ASH1L: variants seen among roughly 807,000 people sequenced by gnomAD.
The protein encoded by ASH1L is ASH1 like histone lysine methyltransferase.
In ASH1L, 23 loss-of-function variants were observed where a neutral mutation model predicts 269.0. The observed-to-expected ratio is 0.09, with a 90% confidence interval of 0.06 to 0.12. The LOEUF (loss-of-function observed/expected upper bound fraction) is 0.12. ASH1L is among the 10% of genes least tolerant of loss of function. The probability of loss-of-function intolerance (pLI) is 1.00; values close to 1 mark genes in which losing one functional copy is unlikely to be tolerated. For synonymous variants in ASH1L, 1,187 were observed against 1,253.5 expected (o/e 0.95, Z 1.12); for missense variants, 2,912 against 3,567.8 (o/e 0.82, Z 4.68).
chr1:155,354,841 A>G (rs766762254), intron 15 of ASH1L, among the ~76,000 whole-genome samples: 6 of 152,214 alleles, frequency 3.9e-5, no homozygotes, highest in African/African-American at 1.2e-4. Context: ...GCAAACAACA[A>G]TTAAAGGCTG....
intron 20 of ASH1L, among the ~76,000 whole-genome samples, chr1:155,346,858 G>A (rs74338124): frequency 1.2e-3 from 187 of 152,234 alleles, no homozygotes; most frequent in Non-Finnish European, 2.2e-3. Flanking sequence ...AATCCTGTGC[G>A]TTACTTACAG....
At chr1:155,369,616 G>C (rs1188156783) in intron 12 of ASH1L, among the ~76,000 whole-genome samples, 1 of 152,024 alleles carries the variant, frequency 6.6e-6, no homozygotes, top group East Asian at 1.9e-4. Flanking sequence ...CTATTTGAGG[G>C]GAAGGGACCT....
chr1:155,368,899 T>A (rs933331383), intron 12 of ASH1L, among the ~76,000 whole-genome samples: 1 of 152,178 alleles, frequency 6.6e-6, no homozygotes, highest in Admixed American at 6.6e-5. Flanking sequence ...GCATTCAACA[T>A]GGATGAACTG....
At chr1:155,429,190 T>C (rs992414503) in intron 5 of ASH1L, among the ~76,000 whole-genome samples, 3 of 152,216 alleles carry the variant, frequency 2.0e-5, no homozygotes, top group Admixed American at 6.5e-5. Flanking sequence ...GCAACATGCA[T>C]TAACATACAT....
intron 1 of ASH1L, among the ~76,000 whole-genome samples, chr1:155,543,692 G>C (rs1424874255): frequency 4.6e-5 from 7 of 151,940 alleles, no homozygotes; most frequent in Non-Finnish European, 1.0e-4. Context: ...AGCACTCTGG[G>C]AGGCTGAGGT....
chr1:155,562,836 TCC>T, upstream of ASH1L: 1 of 401,124 alleles, frequency 2.5e-6, no homozygotes, highest in South Asian at 1.6e-5. Flanking sequence ...TCTTCTCTCC[TCC>T]CCCCCCTTCC....
At chr1:155,360,740 G>T (rs1458180439) in intron 12 of ASH1L, among the ~76,000 whole-genome samples, 1 of 152,164 alleles carries the variant, frequency 6.6e-6, no homozygotes, top group Non-Finnish European at 1.5e-5. Context: ...ACCACGCCTG[G>T]CCTCCACTTT....
intron 1 of ASH1L, among the ~76,000 whole-genome samples, chr1:155,549,710 G>A (rs1473588479): frequency 6.6e-6 from 1 of 151,936 alleles, no homozygotes; most frequent in African/African-American, 2.4e-5. Flanking sequence ...ATAAGGGACT[G>A]GCACATCCAC....
At chr1:155,455,651 C>G (rs987003712) in intron 4 of ASH1L, among the ~76,000 whole-genome samples, 1 of 152,108 alleles carries the variant, frequency 6.6e-6, no homozygotes, top group African/African-American at 2.4e-5. Context: ...TATGAGAAAG[C>G]TAGGTCAACC....
chr1:155,545,289 C>T (rs550740328), intron 1 of ASH1L, among the ~76,000 whole-genome samples: 4 of 148,788 alleles, frequency 2.7e-5, no homozygotes, highest in Non-Finnish European at 5.9e-5. Flanking sequence ...CACTAGTGGC[C>T]ACCATCATTT....
intron 4 of ASH1L, among the ~76,000 whole-genome samples, chr1:155,452,330 C>T (rs1405244708): frequency 2.6e-5 from 4 of 152,094 alleles, no homozygotes; most frequent in African/African-American, 7.2e-5. Context: ...TGACCGACTG[C>T]GTCCTGCCGG....
chr1:155,425,656 G>A (rs1661090773), intron 5 of ASH1L, among the ~76,000 whole-genome samples: 1 of 151,720 alleles, frequency 6.6e-6, no homozygotes, highest in African/African-American at 2.4e-5. Context: ...GGCTGGTCTT[G>A]AACTCCTGAC....
chr1:155,446,625 TC>T (rs369866997), intron 4 of ASH1L, among the ~76,000 whole-genome samples: 5 of 149,796 alleles, frequency 3.3e-5, no homozygotes, highest in Admixed American at 2.0e-4. Flanking sequence ...TTTTTTTTTT[TC>T]TTTTTTTTTT....
At chr1:155,426,920 G>A (rs1002959623) in intron 5 of ASH1L, among the ~76,000 whole-genome samples, 3 of 152,056 alleles carry the variant, frequency 2.0e-5, no homozygotes, top group Non-Finnish European at 4.4e-5. Flanking sequence ...ATTTCCTTCT[G>A]ATCCCCAGGG....
intron 2 of ASH1L, among the ~76,000 whole-genome samples, chr1:155,492,232 G>C (rs548144304): frequency 1.4e-3 from 206 of 151,534 alleles, no homozygotes; most frequent in African/African-American, 4.9e-3. Flanking sequence ...ATTTTTGGTA[G>C]AGACAGGGTT....
chr1:155,346,519 G>A, intron 20 of ASH1L, 50 bp from the exon 21 acceptor site: 1 of 1,517,164 alleles, frequency 6.6e-7, no homozygotes, highest in Non-Finnish European at 9.1e-7. Context: ...GACTTATTGA[G>A]AGTGTCCTGG....
intron 3 of ASH1L, among the ~76,000 whole-genome samples, chr1:155,467,556 TG>T (rs1664783937): frequency 6.6e-6 from 1 of 152,210 alleles, no homozygotes; most frequent in South Asian, 2.1e-4. Flanking sequence ...TGAATATACT[TG>T]TTTACTTTAA....
chr1:155,433,898 C>T (rs1456593471), intron 5 of ASH1L: 1 of 1,598,484 alleles, frequency 6.3e-7, no homozygotes, highest in South Asian at 1.1e-5. Flanking sequence ...TATCGAGAAC[C>T]GAGTGAGAGG....
rs774794397 is a variant in ASH1L, at chr1:155,438,772, T to C, written c.5383A>G (p.Ile1795Val). The C allele has an allele frequency of 7.3e-5, 118 of 1,614,080 alleles. No homozygotes were observed. Among genetic ancestry groups the C allele is most frequent in the Non-Finnish European group, 9.7e-5 (115 of 1,180,052 alleles). Residue 1795 changes from isoleucine (I) to valine (V), a missense_variant, in exon 5 of 28, where the codon ATC becomes GTC. Ile to Val is a conservative substitution (Grantham distance 29). Transcript: ENST00000392403. ...KLTSSCSPHHIKRSVVEAMQR... is the reference protein window; with the variant it reads ...KLTSSCSPHHVKRSVVEAMQR... ...ATAGCTTCCACTACACTTCTCTTGATATGATGGGGGGAACAGCTGCTTGTC... is the reference window on the plus strand; with the variant it reads ...ATAGCTTCCACTACACTTCTCTTGACATGATGGGGGGAACAGCTGCTTGTC...
Sources: allele counts gnomAD v4.1 joint callset (sites outside exome capture counted in the v4.1 genomes callset), GRCh38; gene constraint gnomAD v4.1.1; transcripts MANE v1.5; gene names NCBI Gene and HGNC (gene_info 2026-07-23, HGNC 2026-07-21).